The following REEP3 variants were observed in gnomAD, a reference collection of about 807,000 sequenced individuals.
The protein encoded by REEP3 is receptor expression-enhancing protein 3.
A neutral mutation model predicts 41.3 loss-of-function variants in REEP3; 20 were observed. That is an observed-to-expected ratio of 0.48 (90% CI 0.34 to 0.70). The LOEUF (loss-of-function observed/expected upper bound fraction) is 0.70. REEP3 is among the 30% of genes least tolerant of loss of function. The pLI is 0.01. For synonymous variants in REEP3, 104 were observed against 101.8 expected, an observed-to-expected ratio of 1.02 and a Z score of -0.13; for missense variants, 271 against 308.8, an observed-to-expected ratio of 0.88 and a Z score of 0.92.
At chr10:63,538,572 A>G (rs1262572702) in intron 1 of REEP3, among the ~76,000 whole-genome samples, 1 of 152,082 alleles carries the variant, frequency 6.6e-6, no homozygotes, top group East Asian at 1.9e-4. Flanking sequence ...TGTCTCTACT[A>G]AAAATACAAA....
intron 1 of REEP3, among the ~76,000 whole-genome samples, chr10:63,561,351 AAAAATATGTGT>A (rs1955737624): frequency 6.6e-6 from 1 of 151,442 alleles, no homozygotes; most frequent in South Asian, 2.1e-4. Flanking sequence ...GATCTTGAAG[AAAAATATGTGT>A]TTTAATTAAG....
intron 1 of REEP3, among the ~76,000 whole-genome samples, chr10:63,561,704 C>T (rs12245367): frequency 0.47 from 70,941 of 151,868 alleles, 16,855 homozygotes; most frequent in Middle Eastern, 0.55. Context: ...TGGCATGAGC[C>T]CAGATGTATT....
chr10:63,606,599 TAGA>T (rs1309241301), intron 5 of REEP3, among the ~76,000 whole-genome samples: 2 of 152,136 alleles, frequency 1.3e-5, no homozygotes, highest in Non-Finnish European at 2.9e-5. Flanking sequence ...ATAAATTAAA[TAGA>T]AGAAAATAGA....
In REEP3 at chr10:63,566,030, A is replaced by G. The variant is rs140064067; in HGVS notation, c.33-308A>G. On this transcript the variant is annotated intron_variant, in intron 1 of 7. Transcript: ENST00000373758. Reference sequence around the variant, plus strand: ...CTCCCCAGCAGCTGGGACTACAGGCACACCCGCCACGCCCGGCTAATTTTT... The same window carrying G: ...CTCCCCAGCAGCTGGGACTACAGGCGCACCCGCCACGCCCGGCTAATTTTT... 8.8e-3 allele frequency among the ~76,000 whole-genome samples: 1,340 copies of G among 151,624 alleles called. 19 individuals carry two copies. The highest frequency in any genetic ancestry group is 0.03 in the African/African-American group (1,238 of 41,356).
At chr10:63,616,920 T>A (rs1459088951) in intron 6 of REEP3, among the ~76,000 whole-genome samples, 1 of 152,216 alleles carries the variant, frequency 6.6e-6, no homozygotes, top group Non-Finnish European at 1.5e-5. Context: ...TGAAAAAATT[T>A]AAAATCACCT....
At chr10:63,572,326 T>G (rs574530595) in intron 2 of REEP3, among the ~76,000 whole-genome samples, 1 of 152,268 alleles carries the variant, frequency 6.6e-6, no homozygotes, top group Admixed American at 6.5e-5. Context: ...TAATTATACT[T>G]TAAGTTCTCG....
At chr10:63,538,621 A>G (rs1037126049) in intron 1 of REEP3, among the ~76,000 whole-genome samples, 1 of 151,976 alleles carries the variant, frequency 6.6e-6, no homozygotes, top group African/African-American at 2.4e-5. Context: ...GTAATCCCAG[A>G]TACTCGGGAG....
At chr10:63,560,589 G>A (rs1482927189) in intron 1 of REEP3, among the ~76,000 whole-genome samples, 1 of 152,108 alleles carries the variant, frequency 6.6e-6, no homozygotes, top group African/African-American at 2.4e-5. Flanking sequence ...TACATTAGTC[G>A]GGGTGAACAG....
At chr10:63,593,546 A>G (rs1023952488) in intron 2 of REEP3, among the ~76,000 whole-genome samples, 9 of 152,332 alleles carry the variant, frequency 5.9e-5, no homozygotes, top group Non-Finnish European at 1.2e-4. Flanking sequence ...ATGTTTATCA[A>G]CGTAATTCCT....
chr10:63,589,276 G>T (rs949725002), intron 2 of REEP3, among the ~76,000 whole-genome samples: 4 of 151,786 alleles, frequency 2.6e-5, no homozygotes, highest in Non-Finnish European at 4.4e-5. Flanking sequence ...TCTATTCTGG[G>T]TGTTTCAAAG....
At chr10:63,569,862 A>C (rs10740136) in intron 2 of REEP3, among the ~76,000 whole-genome samples, 68,825 of 151,732 alleles carry the variant, frequency 0.45, 16,147 homozygotes, top group South Asian at 0.54. Context: ...GAATCACCTG[A>C]GCCTGGGAGT....
At chr10:63,522,842 G>C (rs918078103) in intron 1 of REEP3, among the ~76,000 whole-genome samples, 8 of 152,072 alleles carry the variant, frequency 5.3e-5, no homozygotes, top group Non-Finnish European at 1.2e-4. Flanking sequence ...TAAAAATCAA[G>C]ATATAAACAA....
At chr10:63,594,979 T>G (rs866737300) in intron 3 of REEP3, 125 bp downstream of exon 3, 3 of 683,152 alleles carry the variant, frequency 4.4e-6, no homozygotes, top group Middle Eastern at 2.4e-4. Context: ...ACCCATTTGT[T>G]TTTGTCATCT....
chr10:63,573,294 T>C (rs1392961013), intron 2 of REEP3, among the ~76,000 whole-genome samples: 1 of 152,218 alleles, frequency 6.6e-6, no homozygotes, highest in East Asian at 1.9e-4. Flanking sequence ...ACTTAAAGAC[T>C]TTCAGTCTTG....
At chr10:63,572,268 G>A (rs1955859318) in intron 2 of REEP3, among the ~76,000 whole-genome samples, 1 of 151,774 alleles carries the variant, frequency 6.6e-6, no homozygotes, top group South Asian at 2.1e-4. Flanking sequence ...CCCAGTGCAA[G>A]GCTAAGTCCT....
intron 1 of REEP3, among the ~76,000 whole-genome samples, chr10:63,525,060 C>T (rs553228843): frequency 3.3e-5 from 5 of 151,328 alleles, no homozygotes; most frequent in East Asian, 1.9e-4. Context: ...TTAACTAAAA[C>T]GTGGAAGTGT....
intron 1 of REEP3, among the ~76,000 whole-genome samples, chr10:63,552,362 G>A (rs1955637546): frequency 6.6e-6 from 1 of 152,062 alleles, no homozygotes; most frequent in Non-Finnish European, 1.5e-5. Flanking sequence ...AGTGAGCCGA[G>A]ATTTTGCCCC....
chr10:63,619,620 T>C (rs774450010), intron 6 of REEP3, 35 bp from the exon 7 acceptor site: 86 of 1,574,790 alleles, frequency 5.5e-5, no homozygotes, highest in Non-Finnish European at 7.1e-5. Flanking sequence ...TGGTGTCCTT[T>C]TACCAAAACA....
rs112552253 is a variant in REEP3 at position 63,542,090 on chromosome 10, T to TG, written c.32+20513_32+20514insG. ...TTCTTTTTGTTTTTGTTTTTGTTTTTTTTTTTTGAGACAGAGTCTCACTCT... is the reference window on the plus strand; with the variant it reads ...TTCTTTTTGTTTTTGTTTTTGTTTTTGTTTTTTTGAGACAGAGTCTCACTCT... On this transcript the variant is annotated intron_variant, in intron 1 of 7. Transcript: ENST00000373758. Among the ~76,000 whole-genome samples, 421 of 151,250 alleles carry TG rather than the reference T, an allele frequency of 2.8e-3. 1 individual carries two copies. Among genetic ancestry groups the TG allele is most frequent in the African/African-American group, 8.9e-3 (368 of 41,318 alleles).
Sources: allele counts gnomAD v4.1 joint callset (sites outside exome capture counted in the v4.1 genomes callset), GRCh38; gene constraint gnomAD v4.1.1; transcripts MANE v1.5; gene names NCBI Gene and HGNC (gene_info 2026-07-23, HGNC 2026-07-21).